The following VARS2 variants were observed in gnomAD, a reference collection of about 807,000 sequenced individuals.
VARS2 encodes valine--tRNA ligase, mitochondrial.
VARS2 carries 105 observed loss-of-function variants against 154.1 expected under a neutral mutation model. The observed-to-expected ratio is 0.68, with a 90% confidence interval of 0.58 to 0.80. The LOEUF (loss-of-function observed/expected upper bound fraction) is 0.80. Among genes scored for constraint, VARS2 ranks in the 30% least tolerant of loss-of-function variants. The pLI is 0.00. For missense variants in VARS2, 1,157 were observed against 1,361.4 expected (o/e 0.85, Z 2.36); for synonymous variants, 483 against 539.5 (o/e 0.90, Z 1.45).
At position 30,921,141 on chromosome 6, in the gene VARS2, G is replaced by A. The variant is rs1220664580; in HGVS notation, c.1556G>A (p.Gly519Glu). 1 of 1,613,890 alleles carries A rather than the reference G, an allele frequency of 6.2e-7. No individual in the cohort carries two copies. The highest frequency in any genetic ancestry group is 8.5e-7 in the Non-Finnish European group (1 of 1,179,946). ...KNWQHWFSHI[G>E]DWCVSRQLWW... is the part of the protein sequence containing the mutation. ...TGGCAGCACTGGTTTTCCCATATTG[G>A]GTAAGGGTAGGGTAAGGGGAGCTCT... The change falls in exon 16 of 30, where the codon GGG becomes GAG. Residue 519 changes from glycine to glutamate, a missense_variant and splice_region_variant. Coordinates refer to ENST00000676266, the MANE Select transcript of VARS2 (RefSeq NM_020442.6). This position sits in a 1 kb window ranked among gnomAD's most constrained non-coding sequence, Gnocchi z 4.6.
In VARS2 at chr6:30,914,880, G is replaced by T. The variant is rs781212294; in HGVS notation, c.44G>T (p.Gly15Val). Residue 15 changes from glycine (G) to valine (V), a missense_variant, in exon 2 of 30, where the codon GGG becomes GTG. By Grantham distance (109) the Gly-to-Val change is moderately radical (BLOSUM62 -3). Coordinates refer to ENST00000676266, the MANE Select transcript of VARS2 (RefSeq NM_020442.6). ...GCCTCTTTTCGACCACCATTTTGGG[G>T]GCTGAGGCACTCACGGGGCCTCCCC... is the stretch of plus-strand genomic sequence containing the variant. ...PLASFRPPFWGLRHSRGLPRF... is the reference protein window; with the variant it reads ...PLASFRPPFWVLRHSRGLPRF... 2.5e-6 allele frequency: 4 copies of T among 1,612,860 alleles called. No individual in the cohort carries two copies. Among genetic ancestry groups the T allele is most frequent in the Non-Finnish European group, 2.5e-6 (3 of 1,180,038 alleles).
Position 30,917,138 on chromosome 6 carries a change from C to G in VARS2, c.787C>G (p.Arg263Gly). The G allele has an allele frequency of 6.2e-7, 1 of 1,614,088 alleles. No homozygotes were observed. The highest frequency in any genetic ancestry group is 8.5e-7 in the Non-Finnish European group (1 of 1,180,028). Residue 263 changes from arginine (R) to glycine (G), a missense_variant, in exon 9 of 30, where the codon CGG becomes GGG. Physicochemically the swap from Arg to Gly is moderately radical, Grantham distance 125. Transcript: ENST00000676266. This position sits in a 1 kb window ranked among gnomAD's most constrained non-coding sequence, Gnocchi z 4.4. ...SSVAVTEAFV[R>G]LYKAGLLYRN... ...AGTGGCTGTGACTGAAGCTTTTGTG[C>G]GGCTCTACAAGGCGGGGTTGCTGTA...
At position 30,914,279 on chromosome 6, in the gene VARS2, CG is replaced by C. The variant is rs1365118629; in HGVS notation, c.-90del. 1.2e-5 allele frequency: 11 copies of C among 929,878 alleles called. No individual in the cohort carries two copies. Among genetic ancestry groups the C allele is most frequent in the Non-Finnish European group, 1.5e-5 (11 of 709,894 alleles). The allele number at this position is 929,878 out of a possible 1,614,324, so 57.6% of individuals were successfully genotyped here. A position where few individuals can be genotyped will look rare whatever the true frequency, so the allele number is the denominator to read the frequency against. On this transcript the variant is annotated 5_prime_UTR_variant, in exon 1 of 30. It removes the in-frame stop codon of an upstream open reading frame in the 5' UTR. Coordinates refer to ENST00000676266, the MANE Select transcript of VARS2 (RefSeq NM_020442.6). ...CGGCTCCAGGGCCACGTTCCAGGGTCGGGTTTGGTGGATTCCTCAGTCCCTG... is the reference window on the plus strand; with the variant it reads ...CGGCTCCAGGGCCACGTTCCAGGGTCGGTTTGGTGGATTCCTCAGTCCCTG...
In VARS2 at chr6:30,922,692, C is replaced by A. The variant is rs963928175; in HGVS notation, c.2038-14C>A. 2 of 1,610,834 alleles carry A rather than the reference C, an allele frequency of 1.2e-6. No individual in the cohort carries two copies. Among genetic ancestry groups the A allele is most frequent in the Admixed American group, 1.7e-5 (1 of 59,814 alleles). On this transcript the variant is annotated splice_polypyrimidine_tract_variant and intron_variant, in intron 21 of 29. Coordinates refer to ENST00000676266, the MANE Select transcript of VARS2 (RefSeq NM_020442.6). ...CTTCGACCTGGGTCGTGAATTGCCC[C>A]CTTCCATCCCCAGGTGCTGCAGGAA...
rs1794211660 is a variant in VARS2, at chr6:30,916,925, T to C, written c.719T>C (p.Leu240Pro). The C allele has an allele frequency of 6.2e-7, 1 of 1,614,230 alleles. No individual in the cohort carries two copies. The highest frequency in any genetic ancestry group is 1.3e-5 in the African/African-American group (1 of 75,066). Residue 240 changes from leucine to proline, a missense_variant, in exon 8 of 30, where the codon CTG becomes CCG. Transcript: ENST00000676266. The surrounding 1 kb of genome is among the most constrained non-coding windows in gnomAD (Gnocchi z 4.0). ...CAGCTGCGAGCTCTGGGTGCCTCCC[T>C]GGACTGGGATCGAGAGTGTTTTACC... ...CEQLRALGAS[L>P]DWDRECFTMD...
rs1264300 is a variant in VARS2, at chr6:30,915,079, A to G, written c.201+42A>G. ...CTTGTCCTTGGGTTTCTGAGACTTG[A>G]GAGGGGCTGGAGGAGACCGGCTGAA... On this transcript the variant is annotated intron_variant, in intron 2 of 29. Coordinates refer to ENST00000676266, the MANE Select transcript of VARS2 (RefSeq NM_020442.6). 537,749 of 1,611,080 alleles carry G rather than the reference A, an allele frequency of 0.33. 93,455 individuals carry two copies. The highest frequency in any genetic ancestry group is 0.36 in the Non-Finnish European group (421,831 of 1,177,978).
At chr6:30,923,990 A>C in intron 25 of VARS2, 2 of 386,012 alleles carry the variant, frequency 5.2e-6, no homozygotes, top group Non-Finnish European at 4.7e-6. Context: ...TGGGTGGTGT[A>C]ATGAATATTC....
Position 30,923,426 on chromosome 6 carries a change from G to T in VARS2, c.2387G>T (p.Gly796Val). 1 of 1,612,238 alleles carries T rather than the reference G, an allele frequency of 6.2e-7. No homozygotes were observed. The highest frequency in any genetic ancestry group is 8.5e-7 in the Non-Finnish European group (1 of 1,180,022). ...LALAAQECER[G>V]FLTRELSLVT... ...CTGGCTGCCCAGGAGTGTGAGCGGG[G>T]CTTCCTCACCCGAGAGCTCTCGCTC... The change falls in exon 25 of 30, where the codon GGC becomes GTC. Residue 796 changes from glycine to valine, a missense_variant. Gly to Val is a moderately radical substitution (Grantham distance 109). Transcript: ENST00000676266.
rs371998967 is a variant in VARS2, at chr6:30,917,759, C to A, written c.938C>A (p.Ser313Tyr). The change falls in exon 10 of 30, where the codon TCT becomes TAT. Residue 313 changes from serine to tyrosine, a missense_variant. Transcript: ENST00000676266. The surrounding 1 kb of genome is among the most constrained non-coding windows in gnomAD (Gnocchi z 4.4). ...CTGCCTGGCTGCCCCACCCCCGTGT[C>A]TTTTGGCCTCCTATTTTCTGTTGCC... ...LRLPGCPTPV[S>Y]FGLLFSVAFP... 41 of 1,565,850 alleles carry A rather than the reference C, an allele frequency of 2.6e-5. No homozygotes were observed. The highest frequency in any genetic ancestry group is 3.5e-5 in the Non-Finnish European group (40 of 1,154,738).
Position 30,919,615 on chromosome 6 carries a change from TG to T in VARS2, c.1075-141del. On this transcript the variant is annotated intron_variant, in intron 11 of 29. Transcript: ENST00000676266. This position sits in a 1 kb window ranked among gnomAD's most constrained non-coding sequence, Gnocchi z 4.5. ...CCAAAAGCCTAAAATATCTACATTC[TG>T]GCCCCTTAAGAGTTTGCTGACCTTG... The T allele has an allele frequency of 1.8e-6, 1 of 559,716 alleles. No homozygotes were observed. The highest frequency in any genetic ancestry group is 3.1e-6 in the Non-Finnish European group (1 of 326,136). 34.7% of individuals were successfully genotyped at this position (559,716 alleles called of 1,614,324 possible). A position where few individuals can be genotyped will look rare whatever the true frequency, so the allele number is the denominator to read the frequency against.
At position 30,923,104 on chromosome 6, in the gene VARS2, C is replaced by G; in HGVS notation, c.2186C>G (p.Ala729Gly). Residue 729 changes from alanine (A) to glycine (G), a missense_variant and splice_region_variant, in exon 24 of 30, where the codon GCG becomes GGG. Coordinates refer to ENST00000676266, the MANE Select transcript of VARS2 (RefSeq NM_020442.6). ...GACTACCTCGATTCTTCCCTTCCAG[C>G]GGGCGACTTGCACCTGTCAGTCTCT... is the stretch of plus-strand genomic sequence containing the variant. ...RFTLCSHGVQ[A>G]GDLHLSVSEV... is the part of the protein sequence containing the mutation. 6.2e-7 allele frequency: 1 copy of G among 1,612,914 alleles called. No homozygotes were observed. Among genetic ancestry groups the G allele is most frequent in the Non-Finnish European group, 8.5e-7 (1 of 1,179,966 alleles).
rs1264908992 is a variant in VARS2 at position 30,921,226 on chromosome 6, G to T, written c.1557-4G>T. The T allele has an allele frequency of 1.2e-6, 2 of 1,614,148 alleles. No homozygotes were observed. The highest frequency in any genetic ancestry group is 2.2e-5 in the South Asian group (2 of 91,084). Reference sequence around the variant, plus strand: ...CTAAGACTTCACGAATGTCCTCCCGGCAGGGACTGGTGTGTCTCCCGGCAG... The same window carrying T: ...CTAAGACTTCACGAATGTCCTCCCGTCAGGGACTGGTGTGTCTCCCGGCAG... On this transcript the variant is annotated splice_polypyrimidine_tract_variant and splice_region_variant and intron_variant, in intron 16 of 29. Transcript: ENST00000676266. The surrounding 1 kb of genome is among the most constrained non-coding windows in gnomAD (Gnocchi z 4.6).
chr6:30,923,600 C>A, intron 25 of VARS2, 95 bp downstream of exon 25: 1 of 1,506,110 alleles, frequency 6.6e-7, no homozygotes, highest in Non-Finnish European at 8.9e-7. Context: ...AATAAGTTCC[C>A]AATTGTCCCC....
At chr6:30,914,710 A>T in intron 1 of VARS2, 100 bp from the exon 2 acceptor site, 1 of 1,238,048 alleles carries the variant, frequency 8.1e-7, no homozygotes, top group East Asian at 2.5e-5. Flanking sequence ...GAGACTTGGA[A>T]TAACAGACCT....
rs1207401921 is a variant in VARS2 at position 30,916,244 on chromosome 6, G to A, written c.666G>A (p.Lys222=). 6 of 1,612,422 alleles carry A rather than the reference G, an allele frequency of 3.7e-6. No homozygotes were observed. The Admixed American group carries it at 1.0e-4, about 27-fold the overall frequency. The stretch of plus-strand genomic sequence containing the variant: ...TCCTTAGGGAGGTGTGGCAGTGGAA[G>A]GAGGCGTGAGTATGATGGGCAGGAC... ...EAFLREVWQW[K]EAKGGEICEQ... Residue 222 remains lysine, a synonymous_variant, in exon 7 of 30, where the codon AAG becomes AAA. Transcript: ENST00000676266. The surrounding 1 kb of genome is among the most constrained non-coding windows in gnomAD (Gnocchi z 4.0).
intron 3 of VARS2, 55 bp from the exon 4 acceptor site, chr6:30,915,300 A>T: frequency 1.2e-6 from 2 of 1,613,204 alleles, no homozygotes; most frequent in Middle Eastern, 1.6e-4. Context: ...GGCCTGCCGA[A>T]ATGCAGCCTG....
chr6:30,918,257 G>A lies in VARS2; in HGVS notation c.985+451G>A, dbSNP rs570811407. On this transcript the variant is annotated intron_variant, in intron 10 of 29. Coordinates refer to ENST00000676266, the MANE Select transcript of VARS2 (RefSeq NM_020442.6). ...TAATTTTTGTATTTTTAGTAGAGAC[G>A]GGGTTTCACCATGTTGGTCAGGTTG... 5.9e-5 allele frequency among the ~76,000 whole-genome samples: 9 copies of A among 152,250 alleles called. No homozygotes were observed. The South Asian group carries it at 1.0e-3, about 18-fold the overall frequency.
In VARS2 at chr6:30,920,632, C is replaced by T. The variant is rs747419959; in HGVS notation, c.1398-36C>T. The T allele has an allele frequency of 2.0e-5, 30 of 1,495,818 alleles. No individual in the cohort carries two copies. The highest frequency in any genetic ancestry group is 2.3e-5 in the East Asian group (1 of 42,644). The allele number at this position is 1,495,818 out of a possible 1,614,324, so 92.7% of individuals were successfully genotyped here. On this transcript the variant is annotated intron_variant, in intron 14 of 29. Transcript: ENST00000676266. This position sits in a 1 kb window ranked among gnomAD's most constrained non-coding sequence, Gnocchi z 4.6. ...GTGCCCCTGGGAGAAGTCACAGGGC[C>T]GGAAGAGCAGTGGACTCACCCTGTC...
chr6:30,921,451 C>A lies in VARS2; in HGVS notation c.1633-138C>A. 7.1e-7 allele frequency: 1 copy of A among 1,406,668 alleles called. No homozygotes were observed. Among genetic ancestry groups the A allele is most frequent in the South Asian group, 1.2e-5 (1 of 81,662 alleles). 87.1% of individuals were successfully genotyped at this position (1,406,668 alleles called of 1,614,324 possible). On this transcript the variant is annotated intron_variant, in intron 17 of 29. Coordinates refer to ENST00000676266, the MANE Select transcript of VARS2 (RefSeq NM_020442.6). The surrounding 1 kb of genome is among the most constrained non-coding windows in gnomAD (Gnocchi z 4.6). ...GTAACCTTCTGCGCGATCAAGGCTC[C>A]CTGAAGTGGCATTTCTTTATCTCAC... is the stretch of plus-strand genomic sequence containing the variant.
Sources: gnomAD v4.1 joint callset for allele counts (sites outside exome capture counted in the v4.1 genomes callset) on GRCh38, gnomAD v4.1.1 for gene constraint, Gnocchi (gnomAD v3.1) non-coding constraint, MANE v1.5 for transcripts, NCBI Gene and HGNC (gene_info 2026-07-23, HGNC 2026-07-21) for gene names.